Variants in ZNF738 observed in about 807,000 individuals in gnomAD.
ZNF738 encodes the protein protein ZNF738.
Under a neutral mutation model 9.2 loss-of-function variants are expected in ZNF738, and 10 were observed. The observed-to-expected ratio is 1.09, with a 90% CI of 0.67 to 1.85. ZNF738 has a LOEUF of 1.85. Ranked by LOEUF, ZNF738 falls within the 40% of genes most tolerant of loss-of-function variation. ZNF738 has a pLI of 0.00. For missense variants in ZNF738, 346 were observed against 283.6 expected, an observed-to-expected ratio of 1.22 and a Z score of -1.58; for synonymous variants, 113 against 94.5, an observed-to-expected ratio of 1.20 and a Z score of -1.14.
At chr19:21,370,989 T>C (rs190629994) in intron 2 of ZNF738, among the ~76,000 whole-genome samples, 45 of 152,322 alleles carry the variant, frequency 3.0e-4, no homozygotes, top group South Asian at 2.3e-3. Flanking sequence ...TTTTCAATCT[T>C]GTTCAGTGAC....
chr19:21,370,422 C>T (rs142863900), intron 2 of ZNF738, among the ~76,000 whole-genome samples: 4 of 152,186 alleles, frequency 2.6e-5, no homozygotes, highest in African/African-American at 9.6e-5. Flanking sequence ...AAGAAGTCCC[C>T]TTTTCTCAAT....
At chr19:21,376,156 TC>T in intron 4 of ZNF738, 192 bp downstream of exon 4, 1 of 411,666 alleles carries the variant, frequency 2.4e-6, no homozygotes, top group East Asian at 4.6e-5. Context: ...CCATCTTCTG[TC>T]TTAGGCTTTT....
chr19:21,381,885 C>A, intron 4 of ZNF738: 1 of 272,494 alleles, frequency 3.7e-6, no homozygotes. Flanking sequence ...CTCTTGCTCA[C>A]AGCCTGGACA....
intron 2 of ZNF738, among the ~76,000 whole-genome samples, chr19:21,363,501 A>G (rs1322282538): frequency 6.6e-6 from 1 of 152,208 alleles, no homozygotes; most frequent in Non-Finnish European, 1.5e-5. Flanking sequence ...GGTTAAGACA[A>G]AAGGGGACTG....
chr19:21,383,969 G>A lies in ZNF738; in HGVS notation c.*295G>A. 6.9e-7 allele frequency: 1 copy of A among 1,446,982 alleles called. No individual in the cohort carries two copies. Among genetic ancestry groups the A allele is most frequent in the Non-Finnish European group, 9.7e-7 (1 of 1,033,324 alleles). 89.6% of individuals were successfully genotyped at this position (1,446,982 alleles called of 1,614,324 possible). ...GTTACTCCTACCTTACTGCACATAA[G>A]TTGATTCATACTGGAGAGAAACCCT... On this transcript the variant is annotated 3_prime_UTR_variant, in exon 5 of 5. Transcript: ENST00000683779.
chr19:21,383,163 G>T lies in ZNF738; in HGVS notation c.617G>T (p.Cys206Phe). ...TRHTGKKPFKCKKCGKSFCML... is the reference protein window; with the variant it reads ...TRHTGKKPFKFKKCGKSFCML... ...CATACTGGAAAGAAACCTTTCAAAT[G>T]TAAAAAATGTGGCAAATCATTTTGC... Residue 206 changes from cysteine to phenylalanine, a missense_variant, in exon 5 of 5, where the codon TGT (cysteine) becomes TTT (phenylalanine). Transcript: ENST00000683779. The T allele has an allele frequency of 6.3e-7, 1 of 1,599,194 alleles. No homozygotes were observed. The highest frequency in any genetic ancestry group is 2.2e-5 in the East Asian group (1 of 44,546).
intron 4 of ZNF738, chr19:21,381,520 G>A: frequency 3.6e-6 from 3 of 822,702 alleles, no homozygotes; most frequent in Non-Finnish European, 6.1e-6. Context: ...TCGAGATGGA[G>A]TCTCATTCTG....
Position 21,387,601 on chromosome 19 carries a change from AATT to A in ZNF738, c.*3930_*3932del. ...CAGAAAAGCATTTATGTTTGAGAAAAATTATACAAATACAGACTGTGAAAAAGA... is the reference window on the plus strand; with the variant it reads ...CAGAAAAGCATTTATGTTTGAGAAAAATACAAATACAGACTGTGAAAAAGA... On this transcript the variant is annotated 3_prime_UTR_variant, in exon 5 of 5. Transcript: ENST00000683779. 6.6e-6 allele frequency among the ~76,000 whole-genome samples: 1 copy of A among 152,244 alleles called. No homozygotes were observed. The highest frequency in any genetic ancestry group is 2.1e-4 in the South Asian group (1 of 4,832).
chr19:21,374,798 A>C (rs2145232557), intron 2 of ZNF738, among the ~76,000 whole-genome samples: 1 of 152,248 alleles, frequency 6.6e-6, no homozygotes, highest in Non-Finnish European at 1.5e-5. Context: ...TTAGAAATTC[A>C]GAATCTCAGA....
rs577010316 is a variant in ZNF738 at position 21,361,519 on chromosome 19, CTG to C, written c.4-243_4-242del. Among the ~76,000 whole-genome samples, 393 of 152,298 alleles carry C rather than the reference CTG, an allele frequency of 2.6e-3. 2 individuals are homozygous for C. The highest frequency in any genetic ancestry group is 8.7e-3 in the African/African-American group (363 of 41,570). Reference sequence around the variant, plus strand: ...GAAAGCAAATAATAATCCCCTGACACTGTGTTGCAAAAAATCTCTGTGTGTCT... The same window carrying C: ...GAAAGCAAATAATAATCCCCTGACACTGTTGCAAAAAATCTCTGTGTGTCT... On this transcript the variant is annotated intron_variant, in intron 1 of 4. Transcript: ENST00000683779.
At chr19:21,359,239 G>C in intron 1 of ZNF738, 96 bp downstream of exon 1, 3 of 869,934 alleles carry the variant, frequency 3.4e-6, no homozygotes, top group Non-Finnish European at 4.0e-6. Flanking sequence ...CCCGCAGTCA[G>C]CTCTACAATC....
intron 4 of ZNF738, chr19:21,378,259 G>T (rs1599718757): frequency 6.2e-6 from 2 of 323,590 alleles, no homozygotes; most frequent in East Asian, 8.8e-5. Flanking sequence ...GTGCCATTAT[G>T]ATAATGCTAA....
intron 4 of ZNF738, among the ~76,000 whole-genome samples, chr19:21,376,765 A>G (rs565288747): frequency 1.3e-5 from 2 of 152,214 alleles, no homozygotes; most frequent in Non-Finnish European, 2.9e-5. Context: ...GATTTTTAGT[A>G]TACTTGCCTT....
rs1284917213 is a variant in ZNF738 at position 21,383,861 on chromosome 19, A to T, written c.*187A>T. Reference sequence around the variant, plus strand: ...GAGAATGTGGCAAAGCTTTCTTCAGATTCTCATACCTTACTACACATAAGA... The same window carrying T: ...GAGAATGTGGCAAAGCTTTCTTCAGTTTCTCATACCTTACTACACATAAGA... On this transcript the variant is annotated 3_prime_UTR_variant, in exon 5 of 5. Coordinates refer to ENST00000683779, the MANE Select transcript of ZNF738 (RefSeq NM_001355237.2). The T allele has an allele frequency of 2.7e-5, 37 of 1,363,282 alleles. No individual in the cohort carries two copies. The highest frequency in any genetic ancestry group is 3.8e-5 in the Non-Finnish European group (36 of 959,220). 84.4% of individuals were successfully genotyped at this position (1,363,282 alleles called of 1,614,324 possible). A position where few individuals can be genotyped will look rare whatever the true frequency, so the allele number is the denominator to read the frequency against.
At chr19:21,361,959 A>G in intron 2 of ZNF738, 101 bp downstream of exon 2, 1 of 610,128 alleles carries the variant, frequency 1.6e-6, no homozygotes, top group Non-Finnish European at 3.0e-6. Flanking sequence ...TGCATGCCTG[A>G]ATTTCCAGCT....
intron 2 of ZNF738, among the ~76,000 whole-genome samples, chr19:21,373,454 A>G (rs1347896534): frequency 6.6e-6 from 1 of 152,166 alleles, no homozygotes; most frequent in Non-Finnish European, 1.5e-5. Context: ...TGATAGGGAG[A>G]GGTCAGTGTC....
In ZNF738 at chr19:21,383,674, A is replaced by C; in HGVS notation, c.1128A>C (p.Ter376TyrextTer70). 1.0e-6 allele frequency: 1 copy of C among 982,286 alleles called. No individual in the cohort carries two copies. The highest frequency in any genetic ancestry group is 1.6e-6 in the Non-Finnish European group (1 of 619,450). The allele number at this position is 982,286 out of a possible 1,614,324, so 60.8% of individuals were successfully genotyped here. The change falls in exon 5 of 5, where the codon TAA (stop) becomes TAC (tyrosine). Residue 376 changes from the stop codon to tyrosine, a stop_lost. Coordinates refer to ENST00000683779, the MANE Select transcript of ZNF738 (RefSeq NM_001355237.2). Reference protein sequence around the residue: ...HTGEKPYKCE* With the variant: ...HTGEKPYKCEY ...GAGAGAAACCCTACAAATGTGAATA[A>C]TGTGGCAAAGCCTTTAATGTATTCG... is the stretch of plus-strand genomic sequence containing the variant.
In ZNF738 at chr19:21,378,088, G is replaced by T; in HGVS notation, c.319+2124G>T. 4 of 397,234 alleles carry T rather than the reference G, an allele frequency of 1.0e-5. No individual in the cohort carries two copies. In the South Asian group the frequency reaches 5.1e-4, roughly 51 times the overall value. 24.6% of individuals were successfully genotyped at this position (397,234 alleles called of 1,614,324 possible). A position where few individuals can be genotyped will look rare whatever the true frequency, so the allele number is the denominator to read the frequency against. ...AATGTATTTCAGTCTAGTTAAAAAT[G>T]AACTTTTGTTGCATGCAAAAATTTT... On this transcript the variant is annotated intron_variant, in intron 4 of 4. Coordinates refer to ENST00000683779, the MANE Select transcript of ZNF738 (RefSeq NM_001355237.2).
rs1369072109 is a variant in ZNF738, at chr19:21,381,718, C to T, written c.320-1148C>T. The stretch of plus-strand genomic sequence containing the variant: ...CTGCGTTAGCCAGGATGGTCTCGAT[C>T]TCCTGACCTCGTGATCCACCCACCT... On this transcript the variant is annotated intron_variant, in intron 4 of 4. Transcript: ENST00000683779. 1.3e-5 allele frequency: 4 copies of T among 314,244 alleles called. No homozygotes were observed. In the Admixed American group the frequency reaches 1.4e-4, roughly 11 times the overall value. The allele number at this position is 314,244 out of a possible 1,614,324, so 19.5% of individuals were successfully genotyped here. A position where few individuals can be genotyped will look rare whatever the true frequency, so the allele number is the denominator to read the frequency against.
Sources: allele counts gnomAD v4.1 joint callset (sites outside exome capture counted in the v4.1 genomes callset), GRCh38; gene constraint gnomAD v4.1.1; transcripts MANE v1.5; gene names NCBI Gene and HGNC (gene_info 2026-07-23, HGNC 2026-07-21).